KLHL1: variants seen among roughly 807,000 people sequenced by gnomAD.
The protein encoded by KLHL1 is kelch-like protein 1.
In KLHL1, 47 loss-of-function variants were observed where a neutral mutation model predicts 77.7. That is an observed-to-expected ratio of 0.60 (90% CI 0.48 to 0.77). KLHL1 has a LOEUF of 0.77. KLHL1 is among the 30% of genes least tolerant of loss of function. KLHL1 has a pLI of 0.00. For missense variants in KLHL1, 925 were observed against 910.8 expected (o/e 1.02, Z -0.20); for synonymous variants, 360 against 325.2 (o/e 1.11, Z -1.15).
intron 7 of KLHL1, among the ~76,000 whole-genome samples, chr13:69,743,374 T>G (rs1411083198): frequency 6.6e-6 from 1 of 152,184 alleles, no homozygotes; most frequent in Non-Finnish European, 1.5e-5. Flanking sequence ...TAGATTGAAT[T>G]AACAGGTTTC....
intron 10 of KLHL1, among the ~76,000 whole-genome samples, chr13:69,704,586 G>T (rs1875541994): frequency 6.6e-6 from 1 of 151,612 alleles, no homozygotes; most frequent in African/African-American, 2.4e-5. Context: ...AGATTTCTCT[G>T]CCCAGTGCAC....
At chr13:70,004,606 T>C (rs986710001) in intron 1 of KLHL1, among the ~76,000 whole-genome samples, 1 of 151,952 alleles carries the variant, frequency 6.6e-6, no homozygotes, top group African/African-American at 2.4e-5. Context: ...AGTATATTCC[T>C]GCATCACATT....
chr13:69,719,627 T>C (rs770967752), intron 8 of KLHL1, 46 bp from the exon 9 acceptor site: 4 of 1,460,526 alleles, frequency 2.7e-6, no homozygotes, highest in Non-Finnish European at 9.5e-7. Flanking sequence ...ATAGTCTGGA[T>C]GACAAAATAT....
At chr13:70,070,698 TAAATA>T (rs1305937306) in intron 1 of KLHL1, among the ~76,000 whole-genome samples, 1 of 152,050 alleles carries the variant, frequency 6.6e-6, no homozygotes, top group Non-Finnish European at 1.5e-5. Flanking sequence ...AAATAAAAGT[TAAATA>T]AAAACTATTA....
chr13:69,915,504 A>G (rs1419891534), intron 4 of KLHL1, among the ~76,000 whole-genome samples: 1 of 152,230 alleles, frequency 6.6e-6, no homozygotes, highest in Non-Finnish European at 1.5e-5. Context: ...ACGATTCCCT[A>G]TTTAATAAAT....
At chr13:69,780,690 A>ATATATG (rs1422644808) in intron 7 of KLHL1, among the ~76,000 whole-genome samples, 5 of 10,082 alleles carry the variant, frequency 5.0e-4, no homozygotes, top group Non-Finnish European at 1.3e-3. Context: ...TTCTTCATAT[A>ATATATG]TATATATATA....
At chr13:69,848,520 C>T (rs1370931413) in intron 5 of KLHL1, among the ~76,000 whole-genome samples, 1 of 151,508 alleles carries the variant, frequency 6.6e-6, no homozygotes, top group Non-Finnish European at 1.5e-5. Context: ...ATCCATCCTA[C>T]TGACATAACT....
intron 9 of KLHL1, among the ~76,000 whole-genome samples, 186 bp downstream of exon 9, chr13:69,719,183 C>CGTGTGTGTGT (rs761517378): frequency 0.016 from 1,704 of 103,376 alleles, 8 homozygotes; most frequent in Non-Finnish European, 0.021. Context: ...AAAGAAAGTA[C>CGTGTGTGTGT]GTGTGTGTGT....
intron 9 of KLHL1, among the ~76,000 whole-genome samples, chr13:69,713,448 T>A (rs1226877740): frequency 6.6e-5 from 10 of 152,300 alleles, no homozygotes. Flanking sequence ...CAACATTAAT[T>A]TATTTTTCAA....
intron 3 of KLHL1, among the ~76,000 whole-genome samples, chr13:69,951,359 G>A (rs1442661730): frequency 6.6e-6 from 1 of 151,390 alleles, no homozygotes; most frequent in Non-Finnish European, 1.5e-5. Context: ...CTAGAAGGGA[G>A]ATAGAAAGTG....
rs1362989421 is a variant in KLHL1, at chr13:69,933,006, AAGAAG to A, written c.1014+7029_1014+7033del. Among the ~76,000 whole-genome samples, 4 of 146,338 alleles carry A rather than the reference AAGAAG, an allele frequency of 2.7e-5. No individual in the cohort carries two copies. In the East Asian group the frequency reaches 7.7e-4, roughly 28 times the overall value. ...AGAAATACAAAAACAAAAACAGAGG[AAGAAG>A]AGAAATTTCCTTTGTACCCAGCCTG... On this transcript the variant is annotated intron_variant, in intron 4 of 10. Coordinates refer to ENST00000377844, the MANE Select transcript of KLHL1 (RefSeq NM_020866.3).
At chr13:70,075,569 G>GTATATATATATATATATATATATATA (rs1555295388) in intron 1 of KLHL1, among the ~76,000 whole-genome samples, 10 of 106,634 alleles carry the variant, frequency 9.4e-5, no homozygotes, top group South Asian at 2.8e-4. Flanking sequence ...GTGTGTATGT[G>GTATATATATATATATATATATATATA]TATATATATA....
At chr13:69,876,586 T>C (rs1880770982) in intron 5 of KLHL1, among the ~76,000 whole-genome samples, 1 of 152,226 alleles carries the variant, frequency 6.6e-6, no homozygotes, top group Non-Finnish European at 1.5e-5. Context: ...TATTATTTCA[T>C]TGCAAGCTTT....
chr13:69,940,423 A>G (rs1023455114), intron 3 of KLHL1, among the ~76,000 whole-genome samples, 187 bp from the exon 4 acceptor site: 5 of 152,120 alleles, frequency 3.3e-5, no homozygotes, highest in African/African-American at 1.2e-4. Context: ...ATTTCATGTA[A>G]TATTCAAAAT....
At chr13:69,821,519 T>C (rs1281225056) in intron 6 of KLHL1, among the ~76,000 whole-genome samples, 2 of 152,072 alleles carry the variant, frequency 1.3e-5, no homozygotes, top group Non-Finnish European at 2.9e-5. Flanking sequence ...TTCATCATGT[T>C]GGCCAGGCTG....
At chr13:69,802,707 G>A (rs938340716) in intron 6 of KLHL1, among the ~76,000 whole-genome samples, 10 of 151,264 alleles carry the variant, frequency 6.6e-5, no homozygotes, top group Admixed American at 2.0e-4. Flanking sequence ...TTGCTCAATC[G>A]ATCACGACCC....
intron 5 of KLHL1, among the ~76,000 whole-genome samples, chr13:69,859,753 C>T (rs1880063534): frequency 1.3e-5 from 2 of 151,906 alleles, no homozygotes; most frequent in African/African-American, 2.4e-5. Flanking sequence ...TAAATTTAAC[C>T]AAGGAGAGGA....
intron 1 of KLHL1, among the ~76,000 whole-genome samples, chr13:70,031,319 T>G (rs929672474): frequency 6.6e-6 from 1 of 152,130 alleles, no homozygotes; most frequent in Non-Finnish European, 1.5e-5. Flanking sequence ...ACACAGAATC[T>G]GAAGATACAT....
At chr13:69,839,649 T>A (rs926505237) in intron 5 of KLHL1, among the ~76,000 whole-genome samples, 1 of 151,884 alleles carries the variant, frequency 6.6e-6, no homozygotes, top group Non-Finnish European at 1.5e-5. Flanking sequence ...GATGAAAAAA[T>A]TTCTTCATAA....
Sources: gnomAD v4.1 joint callset for allele counts (sites outside exome capture counted in the v4.1 genomes callset) on GRCh38, gnomAD v4.1.1 for gene constraint, MANE v1.5 for transcripts, NCBI Gene and HGNC (gene_info 2026-07-23, HGNC 2026-07-21) for gene names.